Variants in PCDH15 observed in about 807,000 individuals in gnomAD.
PCDH15 encodes protocadherin-15.
In PCDH15, 129 loss-of-function variants were observed where a neutral mutation model predicts 178.5. The ratio of observed to expected loss-of-function variants is 0.72; its 90% CI spans 0.63 to 0.84. PCDH15 has a LOEUF of 0.84. Ranked by LOEUF, PCDH15 falls within the 40% of genes least tolerant of loss-of-function variation. The probability of loss-of-function intolerance (pLI) is 0.00; values close to 1 mark genes in which losing one functional copy is unlikely to be tolerated. For missense variants in PCDH15, 2,230 were observed against 2,099.9 expected (o/e 1.06, Z -1.21); for synonymous variants, 800 against 732.0 (o/e 1.09, Z -1.50).
At chr10:54,740,345 A>C (rs1944622048) in intron 1 of PCDH15, among the ~76,000 whole-genome samples, 1 of 151,920 alleles carries the variant, frequency 6.6e-6, no homozygotes, top group African/African-American at 2.4e-5. Flanking sequence ...ACCCCAGTTA[A>C]AGTAGCTATA....
At chr10:55,002,321 C>G (rs984392764) in intron 2 of PCDH15, among the ~76,000 whole-genome samples, 1 of 152,174 alleles carries the variant, frequency 6.6e-6, no homozygotes, top group Non-Finnish European at 1.5e-5. Flanking sequence ...AGATTATTTA[C>G]TTTCATACTG....
intron 1 of PCDH15, among the ~76,000 whole-genome samples, chr10:55,305,420 G>A (rs2099667204): frequency 6.6e-6 from 1 of 152,206 alleles, no homozygotes; most frequent in Non-Finnish European, 1.5e-5. Context: ...ATGGCTCAGA[G>A]GCAGAGAGGC....
chr10:53,806,785 A>G lies in PCDH15; in HGVS notation c.5017T>C (p.Phe1673Leu). Residue 1673 changes from phenylalanine (F) to leucine (L), a missense_variant, in exon 38 of 38, where the codon TTT (phenylalanine) becomes CTT (leucine). Coordinates refer to ENST00000644397, the MANE Select transcript of PCDH15 (RefSeq NM_001384140.1). Reference protein sequence around the residue: ...KMNARPTLVTFAPCPVGTDNT... With the variant: ...KMNARPTLVTLAPCPVGTDNT... ...TCAGTCCCCACAGGGCAAGGGGCAA[A>G]TGTAACCAGAGTTGGTCTTGCATTC... 1 of 1,613,862 alleles carries G rather than the reference A, an allele frequency of 6.2e-7. No individual in the cohort carries two copies.
At chr10:54,211,714 G>A (rs2051456519) in intron 10 of PCDH15, among the ~76,000 whole-genome samples, 1 of 151,360 alleles carries the variant, frequency 6.6e-6, no homozygotes, top group Non-Finnish European at 1.5e-5. Context: ...AAACTTTTAG[G>A]GCCAATGAAA....
intron 26 of PCDH15, among the ~76,000 whole-genome samples, chr10:53,902,179 T>C (rs969507794): frequency 2.0e-5 from 3 of 152,178 alleles, no homozygotes; most frequent in African/African-American, 4.8e-5. Context: ...ATGTAATGAA[T>C]GACAGATTTG....
intron 2 of PCDH15, among the ~76,000 whole-genome samples, chr10:55,384,116 TA>T (rs1837598620): frequency 2.0e-5 from 3 of 152,170 alleles, no homozygotes; most frequent in African/African-American, 7.2e-5. Flanking sequence ...TAACTGCATA[TA>T]AAACAGAAAT....
intron 37 of PCDH15, among the ~76,000 whole-genome samples, chr10:53,807,607 C>T (rs747797773): frequency 5.3e-5 from 8 of 151,986 alleles, no homozygotes; most frequent in Admixed American, 2.0e-4. Context: ...CTCTAGTTAG[C>T]GAAAACTTTT....
At chr10:53,825,104 G>A (rs1188216122) in intron 32 of PCDH15, 17 of 1,521,946 alleles carry the variant, frequency 1.1e-5, no homozygotes, top group Admixed American at 2.1e-5. Flanking sequence ...TTTTTCTAAC[G>A]CTCTTCTATT....
chr10:53,876,022 G>C (rs1181035513), intron 26 of PCDH15, among the ~76,000 whole-genome samples: 3 of 152,068 alleles, frequency 2.0e-5, no homozygotes, highest in Non-Finnish European at 2.9e-5. Flanking sequence ...GGTATTGAAG[G>C]CTCACTTACC....
chr10:54,828,600 G>A (rs1953170529), intron 3 of PCDH15, among the ~76,000 whole-genome samples: 1 of 151,866 alleles, frequency 6.6e-6, no homozygotes, highest in Non-Finnish European at 1.5e-5. Flanking sequence ...TTTAAACAGA[G>A]CTTTTATTAA....
chr10:55,381,102 T>C (rs1354048768), intron 2 of PCDH15, among the ~76,000 whole-genome samples: 2 of 152,120 alleles, frequency 1.3e-5, no homozygotes, highest in African/African-American at 4.8e-5. Context: ...CCTGATGTGC[T>C]TTGGTTGTTG....
At chr10:54,724,143 G>T (rs1372899574) in intron 1 of PCDH15, among the ~76,000 whole-genome samples, 1 of 151,802 alleles carries the variant, frequency 6.6e-6, no homozygotes, top group African/African-American at 2.4e-5. Context: ...CAACCTAAGT[G>T]TCCAACAGCA....
intron 1 of PCDH15, among the ~76,000 whole-genome samples, chr10:54,733,426 T>C (rs1943671125): frequency 1.3e-5 from 2 of 151,484 alleles, no homozygotes; most frequent in East Asian, 1.9e-4. Context: ...ATATGCATGA[T>C]CTATATTCAG....
chr10:55,156,292 T>C (rs1369282480), intron 2 of PCDH15, among the ~76,000 whole-genome samples: 2 of 152,114 alleles, frequency 1.3e-5, no homozygotes, highest in South Asian at 4.1e-4. Context: ...ACTAATGAGA[T>C]CATTGCCACA....
Position 55,008,985 on chromosome 10 carries a change from C to T in PCDH15, c.-79-111485G>A, listed in dbSNP as rs34154770. Among the ~76,000 whole-genome samples the T allele has an allele frequency of 5.2e-3, 796 of 152,160 alleles. 8 individuals are homozygous for T. Among genetic ancestry groups the T allele is most frequent in the African/African-American group, 0.018 (746 of 41,520 alleles). ...TTGTCAACCTTAGATCCTCCATACTCGTCTCACTCCGGAAGAAAACAATAA... is the reference window on the plus strand; with the variant it reads ...TTGTCAACCTTAGATCCTCCATACTTGTCTCACTCCGGAAGAAAACAATAA... On this transcript the variant is annotated intron_variant, in intron 2 of 5. Coordinates refer to the PCDH15 transcript ENST00000458638.
chr10:54,568,918 T>A (rs2089416011), intron 2 of PCDH15, among the ~76,000 whole-genome samples: 1 of 152,064 alleles, frequency 6.6e-6, no homozygotes, highest in South Asian at 2.1e-4. Context: ...TAAAAAATTT[T>A]TGATTGCCAT....
At chr10:54,314,442 C>T (rs857380) in intron 8 of PCDH15, among the ~76,000 whole-genome samples, 110,350 of 151,750 alleles carry the variant, frequency 0.73, 41,028 homozygotes, top group Middle Eastern at 0.82. Flanking sequence ...ACCTTACATG[C>T]TTAAATTTCA....
At chr10:55,343,855 A>C (rs890489835) in intron 2 of PCDH15, among the ~76,000 whole-genome samples, 2 of 152,158 alleles carry the variant, frequency 1.3e-5, no homozygotes, top group African/African-American at 2.4e-5. Context: ...AGTTAGAAAA[A>C]CAGAAAAAAA....
At chr10:53,843,524 T>C (rs2077788186) in intron 28 of PCDH15, among the ~76,000 whole-genome samples, 1 of 152,054 alleles carries the variant, frequency 6.6e-6, no homozygotes, top group African/African-American at 2.4e-5. Flanking sequence ...GTTTATGTAA[T>C]GTTAATAATG....
Sources: gnomAD v4.1 joint callset for allele counts (sites outside exome capture counted in the v4.1 genomes callset) on GRCh38, gnomAD v4.1.1 for gene constraint, MANE v1.5 for transcripts, NCBI Gene and HGNC (gene_info 2026-07-23, HGNC 2026-07-21) for gene names.